NOX4: variants seen among roughly 807,000 people sequenced by gnomAD.
NOX4 encodes kidney oxidase-1.
Under a neutral mutation model 87.6 loss-of-function variants are expected in NOX4, and 69 were observed. The observed-to-expected ratio is 0.79, with a 90% CI of 0.65 to 0.96. The LOEUF (loss-of-function observed/expected upper bound fraction) is 0.96, where lower values mean the gene tolerates loss of function less well. Ranked by LOEUF, NOX4 falls within the 40% of genes least tolerant of loss-of-function variation. The pLI is 0.00. For synonymous variants in NOX4, 275 were observed against 238.2 expected, an observed-to-expected ratio of 1.15 and a Z score of -1.42; for missense variants, 680 against 681.5, an observed-to-expected ratio of 1.00 and a Z score of 0.02.
In NOX4 at chr11:89,440,767, T is replaced by C. The variant is rs77088011; in HGVS notation, c.448-52A>G. ...ATTAAAAACTAAAGCACTGATGATA[T>C]ATAATTCTATAAAGAGTATGCAGGA... On this transcript the variant is annotated intron_variant, in intron 5 of 17. Transcript: ENST00000263317. 5,370 of 1,032,544 alleles carry C rather than the reference T, an allele frequency of 5.2e-3. 207 individuals carry two copies. In the African/African-American group the frequency reaches 0.078, roughly 15 times the overall value. The allele number at this position is 1,032,544 out of a possible 1,614,324, so 64.0% of individuals were successfully genotyped here.
At chr11:89,448,520 A>G (rs548888685) in intron 4 of NOX4, among the ~76,000 whole-genome samples, 14 of 152,316 alleles carry the variant, frequency 9.2e-5, no homozygotes, top group Non-Finnish European at 2.1e-4. Context: ...ATTAATATCA[A>G]AGAAATATTG....
chr11:89,409,883 A>G (rs563227480), intron 8 of NOX4, among the ~76,000 whole-genome samples: 1 of 152,068 alleles, frequency 6.6e-6, no homozygotes, highest in Non-Finnish European at 1.5e-5. Context: ...TTCACCCCAT[A>G]TATTTAAGTG....
At chr11:89,488,423 G>T (rs1488028627) in intron 2 of NOX4, among the ~76,000 whole-genome samples, 1 of 151,912 alleles carries the variant, frequency 6.6e-6, no homozygotes, top group African/African-American at 2.4e-5. Flanking sequence ...AAATTTGTTG[G>T]TTTATGTTTC....
the NOX4 span, among the ~76,000 whole-genome samples, chr11:89,503,423 T>C: frequency 2.0e-5 from 3 of 151,982 alleles, no homozygotes; most frequent in Non-Finnish European, 4.4e-5. Context: ...AACTGTAGTA[T>C]AATATTCAAC....
the NOX4 span, among the ~76,000 whole-genome samples, chr11:89,586,439 A>G: frequency 0.26 from 38,830 of 152,100 alleles, 5,721 homozygotes; most frequent in Middle Eastern, 0.38. Flanking sequence ...AGGTAATTGA[A>G]TCACCCAACT....
intron 6 of NOX4, 127 bp from the exon 7 acceptor site, chr11:89,432,983 C>T (rs567811692): frequency 1.1e-5 from 7 of 638,380 alleles, no homozygotes; most frequent in East Asian, 2.8e-5. Context: ...CCCACATCTA[C>T]ATGTATGTTC....
At chr11:89,424,396 T>A (rs1354816120) in intron 7 of NOX4, among the ~76,000 whole-genome samples, 4 of 150,776 alleles carry the variant, frequency 2.7e-5, no homozygotes, top group Admixed American at 2.0e-4. Context: ...AAAAAGTAGA[T>A]ATATCTACTT....
At chr11:89,432,668 TTACCCAGA>T in intron 7 of NOX4, 108 bp downstream of exon 7, 1 of 685,936 alleles carries the variant, frequency 1.5e-6, no homozygotes, top group Non-Finnish European at 2.5e-6. Flanking sequence ...TCACTCTTAC[TTACCCAGA>T]ATAGTCCATT....
At chr11:89,565,675 A>G in the NOX4 span, among the ~76,000 whole-genome samples, 9 of 152,222 alleles carry the variant, frequency 5.9e-5, no homozygotes, top group African/African-American at 1.7e-4. Flanking sequence ...ATGTATACAT[A>G]TGTAACTAAC....
chr11:89,363,510 T>A (rs1336106474), intron 12 of NOX4, among the ~76,000 whole-genome samples: 1 of 152,074 alleles, frequency 6.6e-6, no homozygotes, highest in Non-Finnish European at 1.5e-5. Context: ...ACAAAAGAAC[T>A]TCAATGCCAT....
intron 2 of NOX4, among the ~76,000 whole-genome samples, chr11:89,487,150 G>C (rs1443080458): frequency 6.6e-6 from 1 of 152,142 alleles, no homozygotes; most frequent in Non-Finnish European, 1.5e-5. Context: ...GCAGAGGTCA[G>C]ACAGGGCTGT....
At chr11:89,409,285 G>A (rs1432578273) in intron 8 of NOX4, among the ~76,000 whole-genome samples, 2 of 152,046 alleles carry the variant, frequency 1.3e-5, no homozygotes, top group Non-Finnish European at 2.9e-5. Flanking sequence ...AATACCAGCT[G>A]TGAACACTGG....
At chr11:89,401,055 T>C (rs1305510072) in intron 9 of NOX4, among the ~76,000 whole-genome samples, 2 of 152,140 alleles carry the variant, frequency 1.3e-5, no homozygotes, top group African/African-American at 2.4e-5. Context: ...CAGAAGCCTA[T>C]GTGGCTTACT....
chr11:89,390,832 T>C (rs1941071037), intron 11 of NOX4, among the ~76,000 whole-genome samples: 1 of 152,164 alleles, frequency 6.6e-6, no homozygotes, highest in African/African-American at 2.4e-5. Context: ...CCTCTTTTGT[T>C]AGAGAGAAAT....
intron 8 of NOX4, among the ~76,000 whole-genome samples, chr11:89,406,638 T>C (rs955643951): frequency 3.7e-4 from 56 of 152,082 alleles, no homozygotes; most frequent in Non-Finnish European, 7.4e-5. Flanking sequence ...GTGGAAATGG[T>C]CTAAGTCTCT....
chr11:89,480,910 G>T (rs1946366104), intron 2 of NOX4, among the ~76,000 whole-genome samples: 1 of 152,080 alleles, frequency 6.6e-6, no homozygotes, highest in South Asian at 2.1e-4. Flanking sequence ...TTTGTTGAAT[G>T]AAATATGTTC....
chr11:89,554,999 G>C, the NOX4 span, among the ~76,000 whole-genome samples: 2 of 151,992 alleles, frequency 1.3e-5, no homozygotes, highest in Non-Finnish European at 2.9e-5. Flanking sequence ...TAAGCATATA[G>C]AGTTTTAAAA....
chr11:89,449,439 C>G lies in NOX4; in HGVS notation c.349+1G>C. The G allele has an allele frequency of 6.3e-7, 1 of 1,587,842 alleles. No individual in the cohort carries two copies. On this transcript the variant is annotated splice_donor_variant, in intron 4 of 17. Transcript: ENST00000263317. LOFTEE classifies it high-confidence loss of function. Reference sequence around the variant, plus strand: ...TATTTAATATCTTGTGGCTTTCTCACCTGAGAAAATACAGATAGTAACACC... The same window carrying G: ...TATTTAATATCTTGTGGCTTTCTCAGCTGAGAAAATACAGATAGTAACACC...
chr11:89,466,356 T>C (rs1316328788), intron 2 of NOX4, among the ~76,000 whole-genome samples: 1 of 152,230 alleles, frequency 6.6e-6, no homozygotes, highest in Non-Finnish European at 1.5e-5. Flanking sequence ...AATTTTGAAA[T>C]AGTTAATTGA....
Sources: gnomAD v4.1 joint callset for allele counts (sites outside exome capture counted in the v4.1 genomes callset) on GRCh38, gnomAD v4.1.1 for gene constraint, MANE v1.5 for transcripts, NCBI Gene and HGNC (gene_info 2026-07-23, HGNC 2026-07-21) for gene names.